The following ERAP1 variants were observed in gnomAD, a reference collection of about 807,000 sequenced individuals.
The protein encoded by ERAP1 is adipocyte-derived leucine aminopeptidase.
In ERAP1, 86 loss-of-function variants were observed where a neutral mutation model predicts 103.7. The ratio of observed to expected loss-of-function variants is 0.83; its 90% confidence interval spans 0.70 to 0.99. ERAP1 has a LOEUF of 0.99. Ranked by LOEUF, ERAP1 falls within the 50% of genes least tolerant of loss-of-function variation. The pLI is 0.00. For synonymous variants in ERAP1, 398 were observed against 402.4 expected, an observed-to-expected ratio of 0.99 and a Z score of 0.13; for missense variants, 1,009 against 1,128.4, an observed-to-expected ratio of 0.89 and a Z score of 1.52.
rs1774931394 is a variant in ERAP1, at chr5:96,780,077, C to T, written c.2670+346G>A. ...TTTATAAAGAACCTAGATTCCGGACCTGCCTCTTTAGCAACAGCTGGATGA... is the reference window on the plus strand; with the variant it reads ...TTTATAAAGAACCTAGATTCCGGACTTGCCTCTTTAGCAACAGCTGGATGA... On this transcript the variant is annotated intron_variant, in intron 18 of 18. Transcript: ENST00000443439. Among the ~76,000 whole-genome samples, 6 of 152,316 alleles carry T rather than the reference C, an allele frequency of 3.9e-5. No individual in the cohort carries two copies. In the South Asian group the frequency reaches 1.2e-3, roughly 32 times the overall value.
intron 12 of ERAP1, 174 bp from the exon 13 acceptor site, chr5:96,786,145 C>A (rs1366801225): frequency 4.5e-6 from 3 of 666,594 alleles, no homozygotes; most frequent in Non-Finnish European, 7.8e-6. Flanking sequence ...AAAGCTAACA[C>A]TAGCTTTAGA....
At chr5:96,804,151 G>A (rs779488282) in intron 1 of ERAP1, among the ~76,000 whole-genome samples, 4 of 152,164 alleles carry the variant, frequency 2.6e-5, no homozygotes, top group African/African-American at 4.8e-5. Context: ...TCATTAACAC[G>A]TACTAGAAAG....
intron 2 of ERAP1, among the ~76,000 whole-genome samples, chr5:96,801,726 T>C (rs750904401): frequency 6.6e-6 from 1 of 150,454 alleles, no homozygotes; most frequent in Admixed American, 6.6e-5. Context: ...GTGGTGCGCG[T>C]CTGTAATCCC....
chr5:96,841,911 A>G, the ERAP1 span, among the ~76,000 whole-genome samples: 1 of 152,054 alleles, frequency 6.6e-6, no homozygotes, highest in African/African-American at 2.4e-5. Flanking sequence ...CAGTGTACCC[A>G]GTGTGTAGTC....
chr5:96,901,573 T>C, the ERAP1 span: 1 of 1,614,084 alleles, frequency 6.2e-7, no homozygotes, highest in Non-Finnish European at 8.5e-7. Context: ...CAGAAAGGAA[T>C]CCCCCTGCTG....
the ERAP1 span, among the ~76,000 whole-genome samples, chr5:96,841,260 A>G: frequency 6.6e-6 from 1 of 152,210 alleles, no homozygotes; most frequent in African/African-American, 2.4e-5. Flanking sequence ...TTCCCCGAGG[A>G]CACCACTGAT....
chr5:96,845,606 T>C, the ERAP1 span, among the ~76,000 whole-genome samples: 1 of 152,360 alleles, frequency 6.6e-6, no homozygotes, highest in South Asian at 2.1e-4. Context: ...TTGACTAATT[T>C]ATCTTCATAT....
At chr5:96,915,656 T>A in the ERAP1 span, 2 of 1,365,826 alleles carry the variant, frequency 1.5e-6, no homozygotes, top group South Asian at 1.4e-5. Flanking sequence ...AGTATTTCTA[T>A]GACTTTCTAT....
intron 3 of ERAP1, among the ~76,000 whole-genome samples, chr5:96,800,454 G>A (rs1777857119): frequency 6.6e-6 from 1 of 152,130 alleles, no homozygotes; most frequent in Non-Finnish European, 1.5e-5. Flanking sequence ...TATAGTATAT[G>A]TAACTTAGAG....
chr5:96,838,349 C>T, the ERAP1 span, among the ~76,000 whole-genome samples: 3 of 152,148 alleles, frequency 2.0e-5, no homozygotes, highest in Admixed American at 2.0e-4. Context: ...GACCAGGTAG[C>T]CCTCAGGGAG....
At chr5:96,887,396 A>G in the ERAP1 span, among the ~76,000 whole-genome samples, 82,682 of 150,284 alleles carry the variant, frequency 0.55, 22,733 homozygotes, top group Middle Eastern at 0.61. Flanking sequence ...CGCCTCCTGG[A>G]TTCAAGCAAT....
the ERAP1 span, among the ~76,000 whole-genome samples, chr5:96,898,222 A>C: frequency 6.6e-6 from 1 of 151,988 alleles, no homozygotes; most frequent in Non-Finnish European, 1.5e-5. Context: ...ACAATAATTA[A>C]TAATAAATAA....
intron 3 of ERAP1, among the ~76,000 whole-genome samples, 178 bp downstream of exon 3, chr5:96,800,684 T>G (rs1777884418): frequency 6.6e-6 from 1 of 152,210 alleles, no homozygotes; most frequent in Admixed American, 6.5e-5. Context: ...AATTTTTACT[T>G]TGATTACATA....
At chr5:96,931,658 T>C in the ERAP1 span, among the ~76,000 whole-genome samples, 2 of 152,206 alleles carry the variant, frequency 1.3e-5, no homozygotes, top group South Asian at 2.1e-4. Flanking sequence ...GTACAAAATA[T>C]AGTTTTGGTA....
chr5:96,786,216 C>T (rs1203403822), intron 12 of ERAP1, among the ~76,000 whole-genome samples: 1 of 152,228 alleles, frequency 6.6e-6, no homozygotes, highest in Non-Finnish European at 1.5e-5. Context: ...TCTGGCCATA[C>T]ATATGATATA....
the ERAP1 span, among the ~76,000 whole-genome samples, chr5:96,854,137 T>C: frequency 6.6e-6 from 1 of 152,152 alleles, no homozygotes; most frequent in East Asian, 1.9e-4. Flanking sequence ...AGCTATGTTA[T>C]CGAGCTAATT....
the ERAP1 span, chr5:96,895,175 T>C: frequency 4.0e-4 from 331 of 831,364 alleles, 1 homozygote; most frequent in South Asian, 9.5e-4. Flanking sequence ...TTAGTAACTA[T>C]TGTATTTTTT....
At position 96,792,096 on chromosome 5, in the gene ERAP1, T is replaced by A; in HGVS notation, c.1285A>T (p.Ile429Phe). The A allele has an allele frequency of 6.2e-7, 1 of 1,614,114 alleles. No individual in the cohort carries two copies. Among genetic ancestry groups the A allele is most frequent in the Non-Finnish European group, 8.5e-7 (1 of 1,179,950 alleles). Residue 429 changes from isoleucine (I) to phenylalanine (F), a missense_variant, in exon 8 of 19, where the codon ATC (isoleucine) becomes TTC (phenylalanine). This residue lies in a region of ERAP1 where 611 missense variants were observed against 651.7 expected (regional missense o/e 0.94). Transcript: ENST00000443439. ...VSTPVENPAQ[I>F]REMFDDVSYD... ...GAAACATCATCAAACATCTCCCGGA[T>A]CTGAGCAGGATTTTCCACAGGTGTA...
the ERAP1 span, chr5:96,910,001 C>G: frequency 2.5e-6 from 1 of 396,082 alleles, no homozygotes. Flanking sequence ...TGCAGTGGCC[C>G]ACGCCTATAA....
Sources: allele counts gnomAD v4.1 joint callset (sites outside exome capture counted in the v4.1 genomes callset), GRCh38; gene constraint gnomAD v4.1.1; regional missense constraint gnomAD v4.1.1; transcripts MANE v1.5; gene names NCBI Gene and HGNC (gene_info 2026-07-23, HGNC 2026-07-21).